LARGE1: variants seen among roughly 807,000 people sequenced by gnomAD.
The protein encoded by LARGE1 is LARGE xylosyl- and glucuronyltransferase 1.
A neutral mutation model predicts 87.6 loss-of-function variants in LARGE1; 43 were observed. The observed-to-expected ratio is 0.49, with a 90% confidence interval of 0.38 to 0.63. The LOEUF (loss-of-function observed/expected upper bound fraction) is 0.63, where lower values mean the gene tolerates loss of function less well. Ranked by LOEUF, LARGE1 falls within the 30% of genes least tolerant of loss-of-function variation. The probability of loss-of-function intolerance (pLI) is 0.00; values close to 1 mark genes in which losing one functional copy is unlikely to be tolerated. For synonymous variants in LARGE1, 434 were observed against 394.6 expected, an observed-to-expected ratio of 1.10 and a Z score of -1.18; for missense variants, 802 against 1,000.2, an observed-to-expected ratio of 0.80 and a Z score of 2.67.
At chr22:33,628,338 C>A (rs171275) in intron 3 of LARGE1, among the ~76,000 whole-genome samples, 112,355 of 147,360 alleles carry the variant, frequency 0.76, 43,614 homozygotes, top group African/African-American at 0.92. Context: ...TTTTTTTGAG[C>A]CAGAATCTCA....
chr22:33,784,796 CAT>C (rs1311598071), intron 1 of LARGE1, among the ~76,000 whole-genome samples: 1 of 151,504 alleles, frequency 6.6e-6, no homozygotes, highest in Non-Finnish European at 1.5e-5. Context: ...ATATAGTATA[CAT>C]ACACACATAC....
In LARGE1 at chr22:33,666,686, G is replaced by C. The variant is rs1424235380; in HGVS notation, c.107-16018C>G. On this transcript the variant is annotated intron_variant, in intron 2 of 14. Transcript: ENST00000397394. ...CAGAAATCTTTTTCTGCAACCGCCA[G>C]TGGATTCAGAGGCTGGTCTGAGGCA... Among the ~76,000 whole-genome samples the C allele has an allele frequency of 2.0e-5, 3 of 152,208 alleles. No homozygotes were observed. The South Asian group carries it at 6.2e-4, about 32-fold the overall frequency.
At chr22:33,087,605 A>G in the LARGE1 span, among the ~76,000 whole-genome samples, 1 of 152,192 alleles carries the variant, frequency 6.6e-6, no homozygotes, top group African/African-American at 2.4e-5. Context: ...AGTATTTTAT[A>G]TTGTTTCCAT....
At chr22:33,609,485 G>A (rs999000085) in intron 4 of LARGE1, among the ~76,000 whole-genome samples, 13 of 152,326 alleles carry the variant, frequency 8.5e-5, no homozygotes, top group Middle Eastern at 3.4e-3. Flanking sequence ...AGGTTTCCAT[G>A]AACTATGTGG....
chr22:33,731,166 G>C (rs1460252164), intron 2 of LARGE1, among the ~76,000 whole-genome samples: 1 of 151,852 alleles, frequency 6.6e-6, no homozygotes, highest in Non-Finnish European at 1.5e-5. Flanking sequence ...ACCATGCCTG[G>C]CTAATTTTTT....
intron 12 of LARGE1, among the ~76,000 whole-genome samples, chr22:33,297,334 C>T (rs970625031): frequency 3.3e-5 from 5 of 152,078 alleles, no homozygotes; most frequent in African/African-American, 4.8e-5. Flanking sequence ...GGGGGCTGGG[C>T]GCAGTGGTTC....
At chr22:33,076,144 T>C in the LARGE1 span, among the ~76,000 whole-genome samples, 1 of 152,176 alleles carries the variant, frequency 6.6e-6, no homozygotes, top group Non-Finnish European at 1.5e-5. Flanking sequence ...TCAAAAATAT[T>C]AGGAAACAGG....
chr22:33,452,122 A>G (rs1206278289), intron 6 of LARGE1, among the ~76,000 whole-genome samples: 2 of 152,234 alleles, frequency 1.3e-5, no homozygotes, highest in African/African-American at 2.4e-5. Flanking sequence ...GTCAGGCACT[A>G]TTCTGGACTC....
chr22:33,561,422 A>G (rs1387510859), intron 6 of LARGE1, among the ~76,000 whole-genome samples: 1 of 152,164 alleles, frequency 6.6e-6, no homozygotes, highest in Non-Finnish European at 1.5e-5. Flanking sequence ...TGCCTATGAA[A>G]ATAAGTTTCC....
At chr22:33,374,071 A>G (rs2064916045) in intron 9 of LARGE1, among the ~76,000 whole-genome samples, 1 of 151,622 alleles carries the variant, frequency 6.6e-6, no homozygotes. Context: ...TTTTCTTGAC[A>G]TGTCGGAATT....
At chr22:33,557,537 C>A (rs1212831268) in intron 6 of LARGE1, among the ~76,000 whole-genome samples, 1 of 152,124 alleles carries the variant, frequency 6.6e-6, no homozygotes, top group African/African-American at 2.4e-5. Context: ...GAGGAGGGAA[C>A]TTTATCAATA....
At chr22:33,515,133 TAAAAAATAAAAAACAAC>T in intron 6 of LARGE1, among the ~76,000 whole-genome samples, 1 of 142,888 alleles carries the variant, frequency 7.0e-6, no homozygotes, top group East Asian at 2.1e-4. Flanking sequence ...AAAAAAAAAA[TAAAAAATAAAAAACAAC>T]AAAAAAGAAT....
chr22:33,539,689 C>T (rs188277588), intron 6 of LARGE1, among the ~76,000 whole-genome samples: 2 of 151,360 alleles, frequency 1.3e-5, no homozygotes, highest in East Asian at 3.9e-4. Flanking sequence ...TTTCCAGGTT[C>T]AGGTGATCCT....
At chr22:33,762,170 C>T (rs1323552537) in intron 1 of LARGE1, among the ~76,000 whole-genome samples, 3 of 132,056 alleles carry the variant, frequency 2.3e-5, no homozygotes, top group African/African-American at 5.8e-5. Context: ...GCTGAGATGG[C>T]GCCACTGCAC....
intron 3 of LARGE1, among the ~76,000 whole-genome samples, chr22:33,636,974 T>C (rs750335140): frequency 3.3e-5 from 5 of 152,206 alleles, no homozygotes; most frequent in Non-Finnish European, 5.9e-5. Context: ...GAACGTTCTA[T>C]ATCTAAGGTC....
At chr22:33,420,753 G>C (rs2066661863) in intron 7 of LARGE1, among the ~76,000 whole-genome samples, 1 of 152,220 alleles carries the variant, frequency 6.6e-6, no homozygotes, top group African/African-American at 2.4e-5. Flanking sequence ...TTTAATTTCT[G>C]TCCAACAAAT....
chr22:33,374,536 T>A (rs565794891), intron 9 of LARGE1, among the ~76,000 whole-genome samples: 1 of 152,336 alleles, frequency 6.6e-6, no homozygotes, highest in East Asian at 1.9e-4. Context: ...TTCAACCTTT[T>A]AAAATCTTTG....
At chr22:33,888,321 CT>C (rs950342971) in intron 1 of LARGE1, among the ~76,000 whole-genome samples, 1 of 152,200 alleles carries the variant, frequency 6.6e-6, no homozygotes, top group African/African-American at 2.4e-5. Flanking sequence ...TGAAGGAACA[CT>C]GTTTGAGAAA....
At chr22:33,775,989 A>C (rs1418170666) in intron 1 of LARGE1, among the ~76,000 whole-genome samples, 1 of 152,188 alleles carries the variant, frequency 6.6e-6, no homozygotes, top group Non-Finnish European at 1.5e-5. Context: ...AATGACAATA[A>C]GGCTGAGACT....
Sources: gnomAD v4.1 joint callset for allele counts (sites outside exome capture counted in the v4.1 genomes callset) on GRCh38, gnomAD v4.1.1 for gene constraint, MANE v1.5 for transcripts, NCBI Gene and HGNC (gene_info 2026-07-23, HGNC 2026-07-21) for gene names.